Variants in RHBG observed in about 807,000 individuals in gnomAD.
The protein encoded by RHBG is Rh family B glycoprotein.
RHBG carries 39 observed loss-of-function variants against 40.1 expected under a neutral mutation model. That is an observed-to-expected ratio of 0.97 (90% CI 0.75 to 1.27). RHBG has a LOEUF of 1.27. Ranked by LOEUF, RHBG falls within the 50% of genes most tolerant of loss-of-function variation. The pLI is 0.00. For missense variants in RHBG, 549 were observed against 588.1 expected, an observed-to-expected ratio of 0.93 and a Z score of 0.69; for synonymous variants, 237 against 252.5, an observed-to-expected ratio of 0.94 and a Z score of 0.58.
At chr1:156,375,643 T>C (rs1000278758) in intron 1 of RHBG, among the ~76,000 whole-genome samples, 1 of 152,014 alleles carries the variant, frequency 6.6e-6, no homozygotes, top group African/African-American at 2.4e-5. Context: ...AAGACTGACA[T>C]CTCTACAAAA....
At chr1:156,373,896 T>C (rs1207487056) in intron 1 of RHBG, among the ~76,000 whole-genome samples, 1 of 152,198 alleles carries the variant, frequency 6.6e-6, no homozygotes, top group African/African-American at 2.4e-5. Flanking sequence ...TTTTAAGTGA[T>C]GCCTCTCCCT....
At chr1:156,382,262 T>C (rs1440487735) in intron 7 of RHBG, 61 bp downstream of exon 7, 10 of 1,592,350 alleles carry the variant, frequency 6.3e-6, no homozygotes, top group Non-Finnish European at 8.6e-6. Context: ...TCTGTCATTC[T>C]CTTTCACTGT....
rs776617779 is a variant in RHBG, at chr1:156,377,455, C to T, written c.342C>T (p.Phe114=). The change falls in exon 2 of 10, where the codon TTC becomes TTT. Residue 114 remains phenylalanine (F), a synonymous_variant. Coordinates refer to ENST00000537040, the MANE Select transcript of RHBG (RefSeq NM_020407.5). The surrounding 1 kb of genome is among the most constrained non-coding windows in gnomAD (Gnocchi z 4.6). ...TGGTCCAGGGCTTTCTCCACTCCTT[C>T]CACGGTGGCCACATCCATGTTGGCG... The part of the protein sequence containing the change: ...STLVQGFLHS[F]HGGHIHVGVE... 6.2e-7 allele frequency: 1 copy of T among 1,612,996 alleles called. No individual in the cohort carries two copies. Among genetic ancestry groups the T allele is most frequent in the Non-Finnish European group, 8.5e-7 (1 of 1,179,056 alleles).
At chr1:156,370,574 T>C (rs1248451960) in intron 1 of RHBG, among the ~76,000 whole-genome samples, 1 of 121,118 alleles carries the variant, frequency 8.3e-6, no homozygotes, top group Non-Finnish European at 1.6e-5. Flanking sequence ...ATTGCACCAC[T>C]GCACTCCAGA....
At chr1:156,372,364 T>C (rs1666914716) in intron 1 of RHBG, among the ~76,000 whole-genome samples, 2 of 150,010 alleles carry the variant, frequency 1.3e-5, no homozygotes, top group Admixed American at 1.4e-4. Flanking sequence ...AAGCCTCTTC[T>C]TCCAGAAAGC....
At chr1:156,376,350 T>C (rs1375349836) in intron 1 of RHBG, among the ~76,000 whole-genome samples, 1 of 143,296 alleles carries the variant, frequency 7.0e-6, no homozygotes, top group African/African-American at 2.6e-5. Flanking sequence ...GTTAACAGTT[T>C]AAAGCTATTT....
intron 1 of RHBG, among the ~76,000 whole-genome samples, chr1:156,376,644 G>A (rs1667222211): frequency 1.3e-5 from 2 of 152,130 alleles, no homozygotes; most frequent in African/African-American, 4.8e-5. Context: ...GATTACAGGT[G>A]TGAGTTACTG....
At chr1:156,376,485 T>A (rs1240699927) in intron 1 of RHBG, among the ~76,000 whole-genome samples, 1 of 151,794 alleles carries the variant, frequency 6.6e-6, no homozygotes, top group Non-Finnish European at 1.5e-5. Context: ...TCCCTCAACC[T>A]CCCAAGCAGC....
At position 156,375,454 on chromosome 1, in the gene RHBG, CAAA is replaced by C. The variant is rs34882949; in HGVS notation, c.188-1833_188-1831del. ...TTCCTATCTGCCCATGCATATGGCA[CAAA>C]AAAAAAAAAAAAAGCATAAAAGCAT... On this transcript the variant is annotated intron_variant, in intron 1 of 9. Coordinates refer to ENST00000537040, the MANE Select transcript of RHBG (RefSeq NM_020407.5). 5.1e-4 allele frequency among the ~76,000 whole-genome samples: 66 copies of C among 130,358 alleles called. 1 individual carries two copies. The highest frequency in any genetic ancestry group is 8.9e-4 in the African/African-American group (31 of 34,704). 85.5% of individuals were successfully genotyped at this position (130,358 alleles called of 152,430 possible).
chr1:156,378,304 G>T lies in RHBG; in HGVS notation c.578G>T (p.Gly193Val). ...MTIHTFGAYFGLVLSRVLYRP... is the reference protein window; with the variant it reads ...MTIHTFGAYFVLVLSRVLYRP... ...ATCCACACCTTTGGTGCCTACTTCG[G>T]GCTCGTCCTTTCGCGGGTTCTGTAC... Residue 193 changes from glycine (G) to valine (V), a missense_variant, in exon 4 of 10, where the codon GGG (glycine) becomes GTG (valine). Gly to Val is a moderately radical substitution (Grantham distance 109). Around this residue, in one of 3 missense-constraint regions of RHBG, gnomAD observed 399 missense variants for 417.0 expected, o/e 0.96. Transcript: ENST00000537040. 1 of 1,614,016 alleles carries T rather than the reference G, an allele frequency of 6.2e-7. No homozygotes were observed. The highest frequency in any genetic ancestry group is 8.5e-7 in the Non-Finnish European group (1 of 1,180,012).
chr1:156,371,544 A>G (rs574874557), intron 1 of RHBG: 9 of 164,076 alleles, frequency 5.5e-5, no homozygotes, highest in Non-Finnish European at 1.2e-4. Flanking sequence ...ATGAAGCTCA[A>G]AATGCTAAGG....
At chr1:156,370,912 G>T (rs1439943949) in intron 1 of RHBG, among the ~76,000 whole-genome samples, 1 of 149,896 alleles carries the variant, frequency 6.7e-6, no homozygotes, top group Non-Finnish European at 1.5e-5. Flanking sequence ...AGCCCCATGG[G>T]AATAGAGCCT....
intron 1 of RHBG, among the ~76,000 whole-genome samples, chr1:156,374,297 G>C (rs1667043636): frequency 6.6e-6 from 1 of 152,130 alleles, no homozygotes; most frequent in Non-Finnish European, 1.5e-5. Context: ...CTGGTGCCTG[G>C]TGCCAAAAAG....
Position 156,369,430 on chromosome 1 carries a change from T to A in RHBG, c.181T>A (p.Tyr61Asn). 6.2e-7 allele frequency: 1 copy of A among 1,610,340 alleles called. No individual in the cohort carries two copies. The highest frequency in any genetic ancestry group is 2.2e-5 in the East Asian group (1 of 44,714). Residue 61 changes from tyrosine to asparagine, a missense_variant, in exon 1 of 10, where the codon TAC becomes AAC. This residue lies in a region of RHBG where 99 missense variants were observed against 85.2 expected (regional missense o/e 1.16). Transcript: ENST00000537040. ...SNADNEFYFR[Y>N]PSFQDVHAMV... ...CGCGGACAATGAATTTTACTTTCGC[T>A]ACCCAAGTGAGTGCGGGGTGAGGGC... is the stretch of plus-strand genomic sequence containing the variant.
intron 9 of RHBG, 31 bp downstream of exon 9, chr1:156,384,631 G>A (rs761296654): frequency 1.3e-6 from 2 of 1,558,680 alleles, no homozygotes; most frequent in Non-Finnish European, 1.7e-6. Flanking sequence ...CACACCCTCT[G>A]AGTCTCCCTT....
chr1:156,385,006 C>A lies in RHBG; in HGVS notation c.*161C>A. On this transcript the variant is annotated 3_prime_UTR_variant, in exon 10 of 10. Coordinates refer to ENST00000537040, the MANE Select transcript of RHBG (RefSeq NM_020407.5). The stretch of plus-strand genomic sequence containing the variant: ...GGCAGCGTCTCCACAGGGAGAGGGG[C>A]AACAGGAGGCTGGGAAATGGTGGGG... The A allele has an allele frequency of 1.7e-6, 1 of 575,472 alleles. No homozygotes were observed. The highest frequency in any genetic ancestry group is 3.1e-6 in the Non-Finnish European group (1 of 320,590). 35.6% of individuals were successfully genotyped at this position (575,472 alleles called of 1,614,324 possible).
Position 156,369,359 on chromosome 1 carries a change from A to G in RHBG, c.110A>G (p.Asn37Ser). The G allele has an allele frequency of 7.4e-6, 12 of 1,614,158 alleles. No homozygotes were observed. Among genetic ancestry groups the G allele is most frequent in the South Asian group, 1.1e-5 (1 of 91,086 alleles). Residue 37 changes from asparagine to serine, a missense_variant, in exon 1 of 10, where the codon AAC (asparagine) becomes AGC (serine). Coordinates refer to ENST00000537040, the MANE Select transcript of RHBG (RefSeq NM_020407.5). ...AVLFAVFVRY[N>S]HKTDAALWHR... Reference sequence around the variant, plus strand: ...CTCTTTGCTGTCTTTGTCCGCTACAACCACAAAACCGACGCTGCCCTCTGG... The same window carrying G: ...CTCTTTGCTGTCTTTGTCCGCTACAGCCACAAAACCGACGCTGCCCTCTGG...
At chr1:156,383,011 C>A in intron 8 of RHBG, 142 bp downstream of exon 8, 1 of 1,179,954 alleles carries the variant, frequency 8.5e-7, no homozygotes, top group Non-Finnish European at 1.2e-6. Flanking sequence ...GGTAACCAAC[C>A]TCCTGCAGGC....
chr1:156,382,613 G>C (rs1667735075), intron 7 of RHBG, 135 bp from the exon 8 acceptor site: 3 of 1,086,102 alleles, frequency 2.8e-6, no homozygotes. Flanking sequence ...GACTCAGCCT[G>C]GCATGCACCC....
Sources: gnomAD v4.1 joint callset for allele counts (sites outside exome capture counted in the v4.1 genomes callset) on GRCh38, gnomAD v4.1.1 for gene constraint, gnomAD v4.1.1 regional missense constraint, Gnocchi (gnomAD v3.1) non-coding constraint, MANE v1.5 for transcripts, NCBI Gene and HGNC (gene_info 2026-07-23, HGNC 2026-07-21) for gene names.